KALRN: variants seen among roughly 807,000 people sequenced by gnomAD.
KALRN encodes the protein kalirin RhoGEF kinase.
A neutral mutation model predicts 353.7 loss-of-function variants in KALRN; 70 were observed. That is an observed-to-expected ratio of 0.20 (90% CI 0.16 to 0.24). KALRN has a LOEUF of 0.24. KALRN is among the 10% of genes least tolerant of loss of function. KALRN has a pLI of 1.00. For synonymous variants in KALRN, 1,391 were observed against 1,434.8 expected, an observed-to-expected ratio of 0.97 and a Z score of 0.69; for missense variants, 2,791 against 3,756.7, an observed-to-expected ratio of 0.74 and a Z score of 6.72.
At chr3:124,383,562 T>C (rs1164574492) in intron 10 of KALRN, among the ~76,000 whole-genome samples, 2 of 152,230 alleles carry the variant, frequency 1.3e-5, no homozygotes, top group African/African-American at 2.4e-5. Flanking sequence ...CCTGTGTGCA[T>C]GTCTGTCTCT....
intron 39 of KALRN, 54 bp from the exon 40 acceptor site, chr3:124,657,394 C>T: frequency 5.5e-6 from 7 of 1,282,066 alleles, no homozygotes; most frequent in South Asian, 1.2e-5. Flanking sequence ...GTGGCATGGC[C>T]CAGAAAGCTT....
intron 37 of KALRN, among the ~76,000 whole-genome samples, chr3:124,648,272 C>T (rs1319413660): frequency 6.6e-6 from 1 of 152,268 alleles, no homozygotes; most frequent in Non-Finnish European, 1.5e-5. Flanking sequence ...CTTTCTTCCT[C>T]TTGTCCTTGT....
intron 1 of KALRN, among the ~76,000 whole-genome samples, chr3:124,178,914 G>A (rs978339456): frequency 6.6e-6 from 1 of 152,128 alleles, no homozygotes; most frequent in Non-Finnish European, 1.5e-5. Context: ...AGACCAGCCT[G>A]GGCAACATAA....
intron 34 of KALRN, among the ~76,000 whole-genome samples, chr3:124,628,491 C>CCCTTCCCTTCCTTCCCTT (rs1261974224): frequency 9.3e-6 from 1 of 107,236 alleles, no homozygotes; most frequent in Admixed American, 1.2e-4. Context: ...TCCCTTCCCT[C>CCCTTCCCTTCCTTCCCTT]CCTTCCCTTC....
At chr3:124,407,444 AC>A (rs2091691773) in intron 13 of KALRN, among the ~76,000 whole-genome samples, 1 of 152,112 alleles carries the variant, frequency 6.6e-6, no homozygotes, top group Non-Finnish European at 1.5e-5. Flanking sequence ...TATGCAGAGA[AC>A]CTGCTGTGGG....
chr3:124,045,943 A>G (rs1459758418), intron 1 of KALRN, among the ~76,000 whole-genome samples: 1 of 152,248 alleles, frequency 6.6e-6, no homozygotes, highest in Non-Finnish European at 1.5e-5. Flanking sequence ...TAATGAGCAT[A>G]GACCACTATT....
At position 124,118,002 on chromosome 3, in the gene KALRN, T is replaced by C. The variant is rs114051171; in HGVS notation, c.73+84189T>C. 3.0e-3 allele frequency among the ~76,000 whole-genome samples: 458 copies of C among 152,242 alleles called. 1 individual carries two copies. Among genetic ancestry groups the C allele is most frequent in the African/African-American group, 0.01 (430 of 41,540 alleles). ...AATTAATGTTGAACGTAAAATCTCT[T>C]TGGGTTTTAAGCTGTCTTGGGAATC... On this transcript the variant is annotated intron_variant, in intron 1 of 59. Transcript: ENST00000682506.
intron 1 of KALRN, among the ~76,000 whole-genome samples, chr3:124,202,842 GTC>G (rs1254801249): frequency 6.6e-6 from 1 of 152,270 alleles, no homozygotes; most frequent in East Asian, 1.9e-4. Flanking sequence ...ATCTTCTAGA[GTC>G]TCTGGAGCTC....
At chr3:124,274,344 G>A (rs554080584) in intron 5 of KALRN, among the ~76,000 whole-genome samples, 1 of 152,342 alleles carries the variant, frequency 6.6e-6, no homozygotes, top group East Asian at 1.9e-4. Flanking sequence ...CTGATGTGGG[G>A]AAGGCCCTCA....
chr3:124,451,387 C>T (rs116668110), intron 21 of KALRN, among the ~76,000 whole-genome samples: 1,976 of 152,236 alleles, frequency 0.013, 39 homozygotes, highest in African/African-American at 0.045. Flanking sequence ...AGAGGCAAGA[C>T]ATAAATTAGG....
chr3:124,605,198 G>A lies in KALRN; in HGVS notation c.5183-27222G>A, dbSNP rs997935877. On this transcript the variant is annotated intron_variant, in intron 34 of 59. Transcript: ENST00000682506. ...TGGCCTCAAGGGATCCTCCTGCCTC[G>A]GCCTCCCAAAGTTCTGAGATTACAG... is the stretch of plus-strand genomic sequence containing the variant. Among the ~76,000 whole-genome samples, 12 of 151,340 alleles carry A rather than the reference G, an allele frequency of 7.9e-5. No homozygotes were observed. In the East Asian group the frequency reaches 1.8e-3, roughly 22 times the overall value.
intron 3 of KALRN, among the ~76,000 whole-genome samples, chr3:124,261,224 G>T (rs1451262222): frequency 6.6e-6 from 1 of 151,984 alleles, no homozygotes; most frequent in South Asian, 2.1e-4. Flanking sequence ...TTGAATTTTC[G>T]CTTAGCCACT....
chr3:124,481,601 C>T (rs577863341), intron 27 of KALRN, among the ~76,000 whole-genome samples: 1 of 152,344 alleles, frequency 6.6e-6, no homozygotes, highest in African/African-American at 2.4e-5. Context: ...AATGACCCAA[C>T]CTTGCATATC....
At chr3:124,492,911 C>T (rs1370896500) in intron 32 of KALRN, 29 bp downstream of exon 32, 1 of 1,607,308 alleles carries the variant, frequency 6.2e-7, no homozygotes, top group Admixed American at 1.7e-5. Flanking sequence ...TCCAGCACTG[C>T]CTGCCTCACA....
At chr3:124,523,969 T>G (rs1476368147) in intron 33 of KALRN, among the ~76,000 whole-genome samples, 1 of 152,244 alleles carries the variant, frequency 6.6e-6, no homozygotes, top group African/African-American at 2.4e-5. Flanking sequence ...ATCTTCTTCC[T>G]TCTCTACTGC....
At chr3:124,121,261 A>G (rs1020618545) in intron 1 of KALRN, among the ~76,000 whole-genome samples, 6 of 152,158 alleles carry the variant, frequency 3.9e-5, no homozygotes, top group Non-Finnish European at 5.9e-5. Context: ...TAGCCACCAG[A>G]TAGAGGTTTT....
chr3:124,299,307 C>T (rs535095649), intron 6 of KALRN, among the ~76,000 whole-genome samples: 46 of 152,172 alleles, frequency 3.0e-4, no homozygotes, highest in African/African-American at 9.4e-4. Flanking sequence ...TTGAGTGACC[C>T]GGGGCTGTTT....
chr3:124,705,919 G>A (rs983767188), intron 57 of KALRN, among the ~76,000 whole-genome samples: 11 of 137,976 alleles, frequency 8.0e-5, no homozygotes, highest in African/African-American at 2.5e-4. Flanking sequence ...TTTTGTTGTC[G>A]TTGTTGTTTT....
chr3:124,164,972 G>A (rs1051878682), intron 1 of KALRN, among the ~76,000 whole-genome samples: 2 of 152,172 alleles, frequency 1.3e-5, no homozygotes, highest in African/African-American at 4.8e-5. Context: ...TGTAAAATGA[G>A]GGGGGCTCTC....
Sources: allele counts gnomAD v4.1 joint callset (sites outside exome capture counted in the v4.1 genomes callset), GRCh38; gene constraint gnomAD v4.1.1; transcripts MANE v1.5; gene names NCBI Gene and HGNC (gene_info 2026-07-23, HGNC 2026-07-21).